Variants in DACH2 observed in about 807,000 individuals in gnomAD.
DACH2 encodes the protein dachshund homolog 2.
DACH2 carries 17 observed loss-of-function variants against 35.8 expected under a neutral mutation model. The observed-to-expected ratio is 0.48, with a 90% confidence interval of 0.33 to 0.71. The LOEUF (loss-of-function observed/expected upper bound fraction) is 0.71, where lower values mean the gene tolerates loss of function less well. Ranked by LOEUF, DACH2 falls within the 30% of genes least tolerant of loss-of-function variation. The pLI is 0.02. For synonymous variants in DACH2, 195 were observed against 177.3 expected (o/e 1.10, Z -0.79); for missense variants, 469 against 472.7 (o/e 0.99, Z 0.07).
At chrX:86,441,515 G>GTA (rs1491047804) in intron 2 of DACH2, among the ~76,000 whole-genome samples, 1 of 80,287 alleles carries the variant, frequency 1.2e-5, no homozygotes, top group Non-Finnish European at 2.5e-5. Flanking sequence ...GTGTGTGTGT[G>GTA]TATACACCAC....
intron 1 of DACH2, among the ~76,000 whole-genome samples, chrX:86,198,156 G>C (rs1387131641): frequency 8.9e-6 from 1 of 111,921 alleles, no homozygotes; most frequent in East Asian, 2.8e-4. Flanking sequence ...ACCTGCTCCT[G>C]AGTTACTTCT....
chrX:86,758,439 T>C (rs1602906992), intron 7 of DACH2, among the ~76,000 whole-genome samples: 1 of 112,133 alleles, frequency 8.9e-6, no homozygotes, highest in East Asian at 2.8e-4. Flanking sequence ...TTTCATTTGT[T>C]TCAAGATATT....
intron 1 of DACH2, among the ~76,000 whole-genome samples, chrX:86,247,925 A>G (rs1044257406): frequency 9.0e-6 from 1 of 111,641 alleles, no homozygotes; most frequent in Non-Finnish European, 1.9e-5. Context: ...ACATAGATAG[A>G]ACTAGAAACA....
At chrX:86,400,495 C>G (rs1377923262) in intron 2 of DACH2, among the ~76,000 whole-genome samples, 3 of 111,081 alleles carry the variant, frequency 2.7e-5, no homozygotes, top group Non-Finnish European at 3.8e-5. Context: ...CTGTTTTTTC[C>G]CCATCTTTGT....
At chrX:86,425,750 G>C (rs2036883385) in intron 2 of DACH2, among the ~76,000 whole-genome samples, 1 of 110,820 alleles carries the variant, frequency 9.0e-6, no homozygotes, top group South Asian at 3.7e-4. Flanking sequence ...CTGAGTTATA[G>C]TGAAGACCTA....
At chrX:86,331,073 T>C (rs2035204493) in intron 1 of DACH2, among the ~76,000 whole-genome samples, 1 of 111,834 alleles carries the variant, frequency 8.9e-6, no homozygotes, top group South Asian at 3.7e-4. Flanking sequence ...TTCAAACCAG[T>C]TGGACTGTAA....
At chrX:86,301,285 G>T (rs905153829) in intron 1 of DACH2, among the ~76,000 whole-genome samples, 1 of 112,063 alleles carries the variant, frequency 8.9e-6, no homozygotes, top group Non-Finnish European at 1.9e-5. Context: ...TTGTGCAACA[G>T]ATACATCTAA....
chrX:86,626,315 C>T (rs770654885), intron 3 of DACH2, among the ~76,000 whole-genome samples: 1 of 112,732 alleles, frequency 8.9e-6, no homozygotes, highest in South Asian at 3.6e-4. Flanking sequence ...GAGGTGGGTT[C>T]CCATGATCTT....
intron 7 of DACH2, among the ~76,000 whole-genome samples, chrX:86,767,696 A>G (rs887014079): frequency 8.9e-6 from 1 of 111,984 alleles, no homozygotes; most frequent in East Asian, 2.8e-4. Flanking sequence ...GAATTAGGCA[A>G]TAAACAAATA....
chrX:86,185,894 G>A (rs980355459), intron 1 of DACH2, among the ~76,000 whole-genome samples: 1 of 111,865 alleles, frequency 8.9e-6, no homozygotes, highest in African/African-American at 3.2e-5. Context: ...CTTTATATAG[G>A]GTTTAAAGTT....
At chrX:86,483,141 T>TA (rs764980235) in intron 2 of DACH2, among the ~76,000 whole-genome samples, 336 of 73,170 alleles carry the variant, frequency 4.6e-3, no homozygotes, top group African/African-American at 0.014. Flanking sequence ...AGTATAATAA[T>TA]AAAAAAAAAA....
chrX:86,475,829 A>G (rs990276074), intron 2 of DACH2, among the ~76,000 whole-genome samples: 4 of 111,651 alleles, frequency 3.6e-5, no homozygotes, highest in African/African-American at 1.3e-4. Flanking sequence ...TCTATCGTAT[A>G]TGGCTTTTAT....
chrX:86,623,753 C>T (rs2148380280), intron 3 of DACH2, among the ~76,000 whole-genome samples: 1 of 110,780 alleles, frequency 9.0e-6, no homozygotes, highest in African/African-American at 3.3e-5. Flanking sequence ...GAATACAGAC[C>T]TATTAAAAAG....
At chrX:86,446,526 T>C (rs1435664651) in intron 2 of DACH2, among the ~76,000 whole-genome samples, 1 of 52,740 alleles carries the variant, frequency 1.9e-5, no homozygotes, top group Admixed American at 2.5e-4. Context: ...TTCCCACCTA[T>C]GAGTGAGAAT....
At chrX:86,504,477 CTTAT>C (rs200198428) in intron 2 of DACH2, among the ~76,000 whole-genome samples, 23,417 of 101,582 alleles carry the variant, frequency 0.23, 4,036 homozygotes, top group African/African-American at 0.57. Flanking sequence ...AAAAATAGAT[CTTAT>C]TTATTTATTT....
chrX:86,515,215 A>C (rs769100127), intron 3 of DACH2, among the ~76,000 whole-genome samples: 1 of 110,767 alleles, frequency 9.0e-6, no homozygotes, highest in South Asian at 3.8e-4. Flanking sequence ...AACTGGGGAG[A>C]GTGGAATGTA....
chrX:86,194,160 C>T (rs770148212), intron 1 of DACH2, among the ~76,000 whole-genome samples: 51 of 111,174 alleles, frequency 4.6e-4, no homozygotes, highest in African/African-American at 1.7e-3. Flanking sequence ...CTATTGAAGA[C>T]TAATTAACAT....
At chrX:86,279,946 A>T (rs1002233744) in intron 1 of DACH2, among the ~76,000 whole-genome samples, 4 of 109,118 alleles carry the variant, frequency 3.7e-5, no homozygotes, top group East Asian at 3.0e-4. Flanking sequence ...GGAAATATGG[A>T]AGTATTTGAA....
chrX:86,476,110 T>G (rs2037839316), intron 2 of DACH2, among the ~76,000 whole-genome samples: 1 of 112,082 alleles, frequency 8.9e-6, no homozygotes, highest in South Asian at 3.7e-4. Flanking sequence ...GCATCATTTT[T>G]CATCAGAGAT....
Sources: gnomAD v4.1 joint callset for allele counts (sites outside exome capture counted in the v4.1 genomes callset) on GRCh38, gnomAD v4.1.1 for gene constraint, MANE v1.5 for transcripts, NCBI Gene and HGNC (gene_info 2026-07-23, HGNC 2026-07-21) for gene names.